Variants in MACROD2 observed in about 807,000 individuals in gnomAD.
The protein encoded by MACROD2 is ADP-ribose glycohydrolase MACROD2.
Under a neutral mutation model 70.4 loss-of-function variants are expected in MACROD2, and 36 were observed. That is an observed-to-expected ratio of 0.51 (90% CI 0.39 to 0.68). The LOEUF (loss-of-function observed/expected upper bound fraction) is 0.68. MACROD2 is among the 30% of genes least tolerant of loss of function. MACROD2 has a pLI of 0.00. For missense variants in MACROD2, 496 were observed against 538.4 expected (o/e 0.92, Z 0.78); for synonymous variants, 172 against 178.8 (o/e 0.96, Z 0.30).
At chr20:15,030,080 CAAA>C (rs75395660) in intron 5 of MACROD2, among the ~76,000 whole-genome samples, 4 of 77,046 alleles carry the variant, frequency 5.2e-5, no homozygotes, top group African/African-American at 1.3e-4. Flanking sequence ...ACTCCGTCTC[CAAA>C]AAAAAAAAAA....
At chr20:14,653,216 A>AT (rs542367949) in intron 4 of MACROD2, among the ~76,000 whole-genome samples, 11,226 of 121,734 alleles carry the variant, frequency 0.092, 637 homozygotes, top group East Asian at 0.17. Flanking sequence ...ATGTACAGCA[A>AT]TTTTTTTTTT....
intron 5 of MACROD2, among the ~76,000 whole-genome samples, chr20:14,993,653 A>G (rs908496113): frequency 7.9e-5 from 12 of 152,196 alleles, no homozygotes; most frequent in Non-Finnish European, 1.2e-4. Context: ...CAAGAAAAAA[A>G]ATCTGAAGTA....
At chr20:15,390,638 C>T (rs967981469) in intron 6 of MACROD2, among the ~76,000 whole-genome samples, 2 of 151,980 alleles carry the variant, frequency 1.3e-5, no homozygotes, top group Non-Finnish European at 2.9e-5. Context: ...TTACAGAAAG[C>T]TAAAGAACTT....
At chr20:14,132,089 C>CCACTG (rs1239436250) in intron 3 of MACROD2, among the ~76,000 whole-genome samples, 5 of 148,914 alleles carry the variant, frequency 3.4e-5, no homozygotes, top group Non-Finnish European at 7.4e-5. Context: ...CAAGATCACG[C>CCACTG]CACTGCACTC....
intron 5 of MACROD2, among the ~76,000 whole-genome samples, chr20:15,173,455 T>C (rs144796765): frequency 2.2e-4 from 33 of 152,290 alleles, no homozygotes; most frequent in African/African-American, 7.7e-4. Flanking sequence ...GGGTAGGCAA[T>C]TTCCTTACTC....
chr20:14,217,944 A>G (rs1290131793), intron 3 of MACROD2, among the ~76,000 whole-genome samples: 3 of 152,090 alleles, frequency 2.0e-5, no homozygotes, highest in Middle Eastern at 3.2e-3. Flanking sequence ...CATATGGTCT[A>G]TCTTGGAGAA....
intron 8 of MACROD2, among the ~76,000 whole-genome samples, chr20:15,667,507 C>G (rs113915458): frequency 0.066 from 9,251 of 140,600 alleles, 474 homozygotes; most frequent in African/African-American, 0.14. Context: ...ATGTATCTAT[C>G]TATCTATCTA....
chr20:15,333,508 A>G (rs951620648), intron 6 of MACROD2, among the ~76,000 whole-genome samples: 5 of 151,622 alleles, frequency 3.3e-5, no homozygotes, highest in Non-Finnish European at 7.4e-5. Context: ...AGCTTGGAGA[A>G]GATCAGCGCT....
chr20:14,996,567 T>C (rs925153541), intron 5 of MACROD2, among the ~76,000 whole-genome samples: 2 of 152,116 alleles, frequency 1.3e-5, no homozygotes, highest in Admixed American at 1.3e-4. Flanking sequence ...TCACAGTACT[T>C]GGTTTTAACA....
At chr20:14,562,048 T>G (rs2123293804) in intron 4 of MACROD2, among the ~76,000 whole-genome samples, 1 of 152,064 alleles carries the variant, frequency 6.6e-6, no homozygotes, top group Non-Finnish European at 1.5e-5. Context: ...AGGAGACATG[T>G]TACTCTACTG....
At chr20:15,184,705 G>A (rs1265651326) in intron 5 of MACROD2, among the ~76,000 whole-genome samples, 1 of 152,172 alleles carries the variant, frequency 6.6e-6, no homozygotes, top group Non-Finnish European at 1.5e-5. Context: ...AGCCAGGTGC[G>A]ACAATTCTGG....
chr20:14,976,469 G>A (rs2074740577), intron 5 of MACROD2, among the ~76,000 whole-genome samples: 1 of 152,094 alleles, frequency 6.6e-6, no homozygotes, highest in African/African-American at 2.4e-5. Flanking sequence ...CCTTGTACAA[G>A]GACCATGTGA....
intron 9 of MACROD2, among the ~76,000 whole-genome samples, chr20:15,885,540 A>G (rs1219760142): frequency 2.0e-5 from 3 of 152,162 alleles, no homozygotes; most frequent in African/African-American, 7.2e-5. Context: ...AACAATTTTT[A>G]AAAGGAAATG....
intron 8 of MACROD2, among the ~76,000 whole-genome samples, chr20:15,546,613 T>G (rs2048029231): frequency 6.6e-6 from 1 of 152,188 alleles, no homozygotes; most frequent in African/African-American, 2.4e-5. Context: ...GATATTGAAA[T>G]GGACACTCAA....
intron 3 of MACROD2, chr20:14,324,148 T>C (rs960365692): frequency 6.6e-6 from 1 of 152,626 alleles, no homozygotes; most frequent in Admixed American, 6.6e-5. Context: ...TTAAAAGTTT[T>C]ATTCAGCAAT....
At chr20:15,034,668 T>C (rs993110680) in intron 5 of MACROD2, among the ~76,000 whole-genome samples, 5 of 152,200 alleles carry the variant, frequency 3.3e-5, no homozygotes. Context: ...GCCCATGATA[T>C]ATTTTGAGTT....
At chr20:15,527,264 G>T (rs749713312) in intron 8 of MACROD2, among the ~76,000 whole-genome samples, 1 of 152,002 alleles carries the variant, frequency 6.6e-6, no homozygotes, top group South Asian at 2.1e-4. Context: ...CAAGCAAAAG[G>T]CTCCTTACTC....
Position 13,995,686 on chromosome 20 carries a change from C to G in MACROD2, c.-78C>G, listed in dbSNP as rs552355581. On this transcript the variant is annotated 5_prime_UTR_variant, in exon 1 of 18. Coordinates refer to ENST00000684519, the MANE Select transcript of MACROD2 (RefSeq NM_001351661.2). This position sits in a 1 kb window ranked among gnomAD's most constrained non-coding sequence, Gnocchi z 4.3. ...TCCCTGCTGAGTGCCCCCTCCCACC[C>G]CTCCCACTCCACACACACCCTGTTT... 4.5e-6 allele frequency: 5 copies of G among 1,110,016 alleles called. No individual in the cohort carries two copies. The highest frequency in any genetic ancestry group is 6.9e-6 in the Non-Finnish European group (5 of 728,322). 68.8% of individuals were successfully genotyped at this position (1,110,016 alleles called of 1,614,324 possible).
chr20:14,890,780 TA>T (rs71190163), intron 5 of MACROD2, among the ~76,000 whole-genome samples: 4 of 143,412 alleles, frequency 2.8e-5, no homozygotes, highest in Admixed American at 7.0e-5. Flanking sequence ...TAATAAAAAT[TA>T]AAAAAAAAAG....
Sources: allele counts gnomAD v4.1 joint callset (sites outside exome capture counted in the v4.1 genomes callset), GRCh38; gene constraint gnomAD v4.1.1; non-coding constraint Gnocchi (gnomAD v3.1); transcripts MANE v1.5; gene names NCBI Gene and HGNC (gene_info 2026-07-23, HGNC 2026-07-21).